Variants in NKAIN3 observed in about 807,000 individuals in gnomAD.
NKAIN3 encodes sodium/potassium-transporting ATPase subunit beta-1-interacting protein 3.
NKAIN3 carries 25 observed loss-of-function variants against 30.2 expected under a neutral mutation model. The observed-to-expected ratio is 0.83, with a 90% CI of 0.60 to 1.16. The LOEUF (loss-of-function observed/expected upper bound fraction) is 1.16, where lower values mean the gene tolerates loss of function less well. NKAIN3 is among the 50% of genes most tolerant of loss of function. NKAIN3 has a pLI of 0.00. For missense variants in NKAIN3, 225 were observed against 254.1 expected (o/e 0.89, Z 0.78); for synonymous variants, 91 against 89.6 (o/e 1.02, Z -0.09).
chr8:62,786,768 A>G (rs1014630856), intron 4 of NKAIN3, among the ~76,000 whole-genome samples: 2 of 152,212 alleles, frequency 1.3e-5, no homozygotes, highest in African/African-American at 4.8e-5. Flanking sequence ...GGTCTGTAAC[A>G]TGCATGGTGT....
rs1381922437 is a variant in NKAIN3 at position 62,313,688 on chromosome 8, C to T, written c.54+64561C>T. ...ATTTTGGGAAATTTAAAAAATATTT[C>T]ACTTACAGTTCCAAAAGACATATAA... On this transcript the variant is annotated intron_variant, in intron 1 of 6. Transcript: ENST00000623646. 6.6e-5 allele frequency among the ~76,000 whole-genome samples: 10 copies of T among 152,084 alleles called. 1 individual carries two copies. Among genetic ancestry groups the T allele is most frequent in the African/African-American group, 2.4e-4 (10 of 41,416 alleles).
intron 4 of NKAIN3, among the ~76,000 whole-genome samples, chr8:62,837,880 A>G (rs1439008860): frequency 6.6e-6 from 1 of 152,000 alleles, no homozygotes; most frequent in East Asian, 1.9e-4. Flanking sequence ...GGAAGCTGCA[A>G]TATGCTTGGG....
intron 4 of NKAIN3, among the ~76,000 whole-genome samples, chr8:62,845,426 G>T (rs956787911): frequency 6.6e-6 from 1 of 151,072 alleles, no homozygotes; most frequent in African/African-American, 2.4e-5. Context: ...GACTTCTTTA[G>T]CTCACTTGTC....
intron 1 of NKAIN3, among the ~76,000 whole-genome samples, chr8:62,273,761 C>T (rs1161513071): frequency 6.6e-6 from 1 of 152,146 alleles, no homozygotes; most frequent in Admixed American, 6.6e-5. Flanking sequence ...AGCCCTGTAC[C>T]CTCTTATGAG....
chr8:62,716,979 T>C (rs745531697), intron 3 of NKAIN3, among the ~76,000 whole-genome samples: 1 of 152,158 alleles, frequency 6.6e-6, no homozygotes, highest in Non-Finnish European at 1.5e-5. Flanking sequence ...TTAACATTTG[T>C]TACTGAAGAT....
intron 1 of NKAIN3, among the ~76,000 whole-genome samples, chr8:62,401,659 A>G (rs984098423): frequency 5.3e-5 from 8 of 152,296 alleles, no homozygotes; most frequent in Non-Finnish European, 1.0e-4. Context: ...CCCCACGCCC[A>G]GTAACTCGAA....
intron 5 of NKAIN3, among the ~76,000 whole-genome samples, chr8:62,930,797 G>A (rs1364341560): frequency 3.3e-5 from 5 of 150,618 alleles, no homozygotes; most frequent in Non-Finnish European, 5.9e-5. Context: ...TCTGCCTCCC[G>A]GGTTCATGCC....
chr8:62,967,257 C>T lies in NKAIN3; in HGVS notation c.*1850C>T, dbSNP rs1823735000. 6.6e-6 allele frequency among the ~76,000 whole-genome samples: 1 copy of T among 152,118 alleles called. No homozygotes were observed. Among genetic ancestry groups the T allele is most frequent in the African/African-American group, 2.4e-5 (1 of 41,432 alleles). On this transcript the variant is annotated 3_prime_UTR_variant, in exon 7 of 7. Transcript: ENST00000623646. ...AGAGCCATAGCCAGTGGACAGAGAA[C>T]ATGGGAGCAAAAGTTGGGGTTTGGG...
At chr8:62,942,285 C>T (rs1385278113) in intron 5 of NKAIN3, among the ~76,000 whole-genome samples, 2 of 143,732 alleles carry the variant, frequency 1.4e-5, no homozygotes, top group Non-Finnish European at 3.0e-5. Flanking sequence ...TATATATACA[C>T]ATATATATAT....
At chr8:62,309,215 A>C (rs1814350731) in intron 1 of NKAIN3, among the ~76,000 whole-genome samples, 1 of 150,630 alleles carries the variant, frequency 6.6e-6, no homozygotes, top group Non-Finnish European at 1.5e-5. Flanking sequence ...TATATGTCCA[A>C]ATTAAGACAA....
chr8:62,987,993 T>C (rs888655829), downstream of NKAIN3, among the ~76,000 whole-genome samples: 1 of 152,176 alleles, frequency 6.6e-6, no homozygotes, highest in African/African-American at 2.4e-5. Context: ...ATTGGAGAAA[T>C]TGGCAAAAAC....
intron 1 of NKAIN3, among the ~76,000 whole-genome samples, chr8:62,424,333 G>T (rs370181427): frequency 1.3e-3 from 193 of 151,754 alleles, no homozygotes; most frequent in African/African-American, 4.6e-3. Context: ...TTAAACAAAA[G>T]AAAACATTTA....
At chr8:62,492,618 TCTTA>T (rs1807106039) in intron 1 of NKAIN3, among the ~76,000 whole-genome samples, 1 of 152,194 alleles carries the variant, frequency 6.6e-6, no homozygotes, top group Non-Finnish European at 1.5e-5. Context: ...ATTCAAATGT[TCTTA>T]CTTGTTACTT....
At chr8:62,807,779 T>A (rs1446654678) in intron 4 of NKAIN3, among the ~76,000 whole-genome samples, 2 of 148,846 alleles carry the variant, frequency 1.3e-5, no homozygotes, top group East Asian at 3.9e-4. Flanking sequence ...TATATATATA[T>A]AAAATACATA....
chr8:62,639,968 A>G (rs992635880), intron 3 of NKAIN3, among the ~76,000 whole-genome samples: 2 of 152,116 alleles, frequency 1.3e-5, no homozygotes, highest in Non-Finnish European at 2.9e-5. Context: ...GCTTTACCAA[A>G]TGTCCATTCA....
chr8:62,831,193 C>T (rs1307791178), intron 4 of NKAIN3, among the ~76,000 whole-genome samples: 4 of 151,932 alleles, frequency 2.6e-5, no homozygotes, highest in Non-Finnish European at 4.4e-5. Flanking sequence ...ACAGTCACAC[C>T]TCCTAGGAAA....
At chr8:62,762,981 C>T (rs1586171964) in intron 4 of NKAIN3, among the ~76,000 whole-genome samples, 1 of 151,760 alleles carries the variant, frequency 6.6e-6, no homozygotes, top group Non-Finnish European at 1.5e-5. Context: ...CCCAGCACTT[C>T]GGAGGCCAAG....
rs547551644 is a variant in NKAIN3, at chr8:62,387,459, G to A, written c.54+138332G>A. Among the ~76,000 whole-genome samples the A allele has an allele frequency of 3.9e-5, 6 of 152,040 alleles. No homozygotes were observed. The South Asian group carries it at 6.2e-4, about 16-fold the overall frequency. On this transcript the variant is annotated intron_variant, in intron 1 of 6. Coordinates refer to ENST00000623646, the MANE Select transcript of NKAIN3 (RefSeq NM_001304533.3). ...ATGTAAACACCCATCCACATTGAAC[G>A]GCCATGTGAAGCAAGCTCAGCAGTT...
chr8:62,639,197 T>C (rs1812228964), intron 3 of NKAIN3, among the ~76,000 whole-genome samples: 1 of 152,074 alleles, frequency 6.6e-6, no homozygotes, highest in African/African-American at 2.4e-5. Flanking sequence ...CTCCAAAATA[T>C]GGAAATTGCT....
Sources: allele counts gnomAD v4.1 joint callset (sites outside exome capture counted in the v4.1 genomes callset), GRCh38; gene constraint gnomAD v4.1.1; transcripts MANE v1.5; gene names NCBI Gene and HGNC (gene_info 2026-07-23, HGNC 2026-07-21).